The following GIGYF1 variants were observed in gnomAD, a reference collection of about 807,000 sequenced individuals.
GIGYF1 encodes the protein GRB10 interacting GYF protein 1.
Under a neutral mutation model 147.1 loss-of-function variants are expected in GIGYF1, and 84 were observed. That is an observed-to-expected ratio of 0.57 (90% CI 0.48 to 0.68). The LOEUF is 0.68. Ranked by LOEUF, GIGYF1 falls within the 30% of genes least tolerant of loss-of-function variation. The probability of loss-of-function intolerance (pLI) is 0.00; values close to 1 mark genes in which losing one functional copy is unlikely to be tolerated. For missense variants in GIGYF1, 1,485 were observed against 1,393.7 expected (o/e 1.07, Z -1.04); for synonymous variants, 752 against 589.5 (o/e 1.28, Z -3.99).
rs774321331 is a variant in GIGYF1, at chr7:100,683,064, T to C, written c.2360A>G (p.Lys787Arg). 2.3e-5 allele frequency: 36 copies of C among 1,578,694 alleles called. No homozygotes were observed. The highest frequency in any genetic ancestry group is 3.1e-5 in the Non-Finnish European group (36 of 1,168,610). ...AGCTGGCTCCCGAGGTGGGGGCTGTTTGTGCAGCTGCCGCTCGCCCTCCAG... is the reference window on the plus strand; with the variant it reads ...AGCTGGCTCCCGAGGTGGGGGCTGTCTGTGCAGCTGCCGCTCGCCCTCCAG... ...LQLEGERQLH[K>R]QPPPREPARA... Residue 787 changes from lysine (K) to arginine (R), a missense_variant, in exon 22 of 27, where the codon AAA becomes AGA. Physicochemically the swap from Lys to Arg is conservative, Grantham distance 26. Coordinates refer to ENST00000678049, the MANE Select transcript of GIGYF1 (RefSeq NM_001375765.1).
Position 100,685,163 on chromosome 7 carries a change from A to AG in GIGYF1, c.1193-18dup. The AG allele has an allele frequency of 6.4e-7, 1 of 1,566,808 alleles. No homozygotes were observed. Among genetic ancestry groups the AG allele is most frequent in the Non-Finnish European group, 8.7e-7 (1 of 1,151,364 alleles). On this transcript the variant is annotated splice_polypyrimidine_tract_variant and intron_variant, in intron 13 of 26. Transcript: ENST00000678049. ...GAATATCATCTGGAAGGCATGAGAT[A>AG]GGAGGTGGAAAGAAGGGCGGGGAGG...
In GIGYF1 at chr7:100,682,752, G is replaced by A. The variant is rs761657883; in HGVS notation, c.2438C>T (p.Pro813Leu). Residue 813 changes from proline to leucine, a missense_variant, in exon 23 of 27, where the codon CCC (proline) becomes CTC (leucine). Transcript: ENST00000678049. ...RVQLGGLGTAPLNQWVSEAGP... is the reference protein window; with the variant it reads ...RVQLGGLGTALLNQWVSEAGP... ...AGCCTCAGACACCCACTGGTTCAGG[G>A]GGGCAGTGCCCAGGCCCCCAAGCTG... The A allele has an allele frequency of 1.4e-5, 22 of 1,537,456 alleles. No individual in the cohort carries two copies. Among genetic ancestry groups the A allele is most frequent in the Non-Finnish European group, 1.9e-5 (22 of 1,144,274 alleles).
rs150873520 is a variant in GIGYF1, at chr7:100,688,808, C to T, written c.-351G>A. 1,005 of 216,952 alleles carry T rather than the reference C, an allele frequency of 4.6e-3. 8 individuals carry two copies. Among genetic ancestry groups the T allele is most frequent in the African/African-American group, 0.019 (823 of 43,670 alleles). The allele number at this position is 216,952 out of a possible 1,614,324, so 13.4% of individuals were successfully genotyped here. A position where few individuals can be genotyped will look rare whatever the true frequency, so the allele number is the denominator to read the frequency against. ...CCCCGCATGACAGGAGAGGTCCATT[C>T]GCCGGATGGTGTCTCTGGGCATCAG... On this transcript the variant is annotated 5_prime_UTR_variant, in exon 2 of 27. Transcript: ENST00000678049.
At position 100,688,125 on chromosome 7, in the gene GIGYF1, G is replaced by T. The variant is rs774070726; in HGVS notation, c.36-15C>A. 3.9e-5 allele frequency: 62 copies of T among 1,605,446 alleles called. No individual in the cohort carries two copies. The highest frequency in any genetic ancestry group is 5.2e-5 in the Non-Finnish European group (61 of 1,174,630). On this transcript the variant is annotated splice_polypyrimidine_tract_variant and intron_variant, in intron 4 of 26. Transcript: ENST00000678049. ...GGGCCCTGAGCCTGGACACAACACA[G>T]AGAGAAGAAGACAGAGGTCAGGGCA...
chr7:100,685,028 C>G (rs772624730), intron 14 of GIGYF1, 21 bp downstream of exon 14: 1 of 1,558,218 alleles, frequency 6.4e-7, no homozygotes, highest in South Asian at 1.2e-5. Context: ...GGGTCCCTCC[C>G]GCTTTCTCAG....
At position 100,683,930 on chromosome 7, in the gene GIGYF1, A is replaced by G. The variant is rs942891456; in HGVS notation, c.1869-12T>C. 5.1e-6 allele frequency: 8 copies of G among 1,558,256 alleles called. No homozygotes were observed. The highest frequency in any genetic ancestry group is 6.9e-6 in the Non-Finnish European group (8 of 1,151,298). The stretch of plus-strand genomic sequence containing the variant: ...TCTGGTCCCCGCCTCTGAGGAGCAA[A>G]TTGTGGATTCTTAGGACCCCAAATC... On this transcript the variant is annotated splice_polypyrimidine_tract_variant and intron_variant, in intron 18 of 26. Coordinates refer to ENST00000678049, the MANE Select transcript of GIGYF1 (RefSeq NM_001375765.1).
Position 100,684,867 on chromosome 7 carries a change from G to T in GIGYF1, c.1318C>A (p.Gln440Lys). ...QEAEKLVASL[Q>K]DSSLEEEQFT... ...TGCTCCTCCTCCAAGGAGCTGTCCT[G>T]CAGGGAGGCCACCAGCTTCTCCGCC... Residue 440 changes from glutamine to lysine, a missense_variant, in exon 15 of 27, where the codon CAG becomes AAG. Gln to Lys is a moderately conservative substitution (Grantham distance 53). Coordinates refer to ENST00000678049, the MANE Select transcript of GIGYF1 (RefSeq NM_001375765.1). 6.2e-7 allele frequency: 1 copy of T among 1,605,052 alleles called. No individual in the cohort carries two copies. The highest frequency in any genetic ancestry group is 8.5e-7 in the Non-Finnish European group (1 of 1,175,074).
chr7:100,684,996 C>T, intron 14 of GIGYF1, 53 bp downstream of exon 14: 1 of 1,555,328 alleles, frequency 6.4e-7, no homozygotes, highest in East Asian at 2.4e-5. Flanking sequence ...TGGGGCCAAG[C>T]AGGTCAGGTC....
chr7:100,688,542 T>C (rs1489649101), intron 2 of GIGYF1, 27 bp from the exon 3 acceptor site: 1 of 621,310 alleles, frequency 1.6e-6, no homozygotes, highest in Non-Finnish European at 3.0e-6. Context: ...GATGGGAAGC[T>C]CGAGTCCTTT....
chr7:100,683,139 G>A lies in GIGYF1; in HGVS notation c.2285C>T (p.Ala762Val). Residue 762 changes from alanine to valine, a missense_variant, in exon 22 of 27, where the codon GCT becomes GTT. Coordinates refer to ENST00000678049, the MANE Select transcript of GIGYF1 (RefSeq NM_001375765.1). Reference protein sequence around the residue: ...PAPSSPPPLWAGLAKQGLSMK... With the variant: ...PAPSSPPPLWVGLAKQGLSMK... ...GGACAGCCCCTGCTTGGCCAGGCCA[G>A]CCCAGAGTGGGGGCGGGGAGCTGGG... The A allele has an allele frequency of 6.3e-7, 1 of 1,597,592 alleles. No homozygotes were observed.
rs746558368 is a variant in GIGYF1 at position 100,687,518 on chromosome 7, G to A, written c.360C>T (p.Ser120=). 5.0e-6 allele frequency: 8 copies of A among 1,611,624 alleles called. No homozygotes were observed. In the Admixed American group the frequency reaches 1.3e-4, roughly 27 times the overall value. The change falls in exon 7 of 27, where the codon AGC becomes AGT. Residue 120 remains serine (S), a synonymous_variant. Coordinates refer to ENST00000678049, the MANE Select transcript of GIGYF1 (RefSeq NM_001375765.1). ...TCACCCCTCTACCTCGGCTCCGCGT[G>A]CTGCCCCTGCCTCGGGAGGTGCCAG... is the stretch of plus-strand genomic sequence containing the variant. ...PLAGTSRGRG[S]TRSRGRGRGD...
At chr7:100,687,928 C>G (rs916710137) in intron 5 of GIGYF1, 45 bp from the exon 6 acceptor site, 7 of 1,612,120 alleles carry the variant, frequency 4.3e-6, no homozygotes, top group Non-Finnish European at 5.9e-6. Flanking sequence ...GCTGCCAGAT[C>G]CCCTCCACAG....
rs1196759240 is a variant in GIGYF1, at chr7:100,687,170, AG to A, written c.483-125del. On this transcript the variant is annotated intron_variant, in intron 8 of 26. Coordinates refer to ENST00000678049, the MANE Select transcript of GIGYF1 (RefSeq NM_001375765.1). ...AGGGAGGAAGGGGACAAACGAAACC[AG>A]GGGTCAGGAGCACCGGGATCTCGGA... The A allele has an allele frequency of 2.0e-6, 3 of 1,468,154 alleles. No individual in the cohort carries two copies. In the African/African-American group the frequency reaches 4.2e-5, roughly 20 times the overall value. The allele number at this position is 1,468,154 out of a possible 1,614,324, so 90.9% of individuals were successfully genotyped here.
At chr7:100,687,226 C>T in intron 8 of GIGYF1, 72 bp downstream of exon 8, 6 of 1,504,854 alleles carry the variant, frequency 4.0e-6, no homozygotes, top group Non-Finnish European at 5.5e-6. Context: ...CTCTGTTACC[C>T]TCTAGCGACA....
Position 100,683,167 on chromosome 7 carries a change from C to A in GIGYF1, c.2257G>T (p.Ala753Ser). Reference sequence around the variant, plus strand: ...CAGAGTGGGGGCGGGGAGCTGGGTGCGGGGGGCACAGGGACCGCCTGCTGC... The same window carrying A: ...CAGAGTGGGGGCGGGGAGCTGGGTGAGGGGGGCACAGGGACCGCCTGCTGC... ...QQQQAVPVPP[A>S]PSSPPPLWAG... The change falls in exon 22 of 27, where the codon GCA becomes TCA. Residue 753 changes from alanine to serine, a missense_variant. Transcript: ENST00000678049. 1 of 1,602,918 alleles carries A rather than the reference C, an allele frequency of 6.2e-7. No homozygotes were observed. Among genetic ancestry groups the A allele is most frequent in the Non-Finnish European group, 8.5e-7 (1 of 1,178,198 alleles).
At chr7:100,686,532 C>T (rs1805358088) in intron 10 of GIGYF1, 99 bp from the exon 11 acceptor site, 28 of 1,516,228 alleles carry the variant, frequency 1.8e-5, no homozygotes, top group South Asian at 2.5e-5. Flanking sequence ...GCTGCTGTCC[C>T]GGCCACTCCC....
rs201068502 is a variant in GIGYF1 at position 100,685,355 on chromosome 7, G to A, written c.1181C>T (p.Pro394Leu). Residue 394 changes from proline to leucine, a missense_variant, in exon 13 of 27, where the codon CCA becomes CTA. Coordinates refer to ENST00000678049, the MANE Select transcript of GIGYF1 (RefSeq NM_001375765.1). The part of the protein sequence containing the change: ...DGDETAEKEP[P>L]AAEDDIRGIQ... ...TCCTCCCTTCCTACCTTCGGCCGCTGGGGGCTCTTTCTCTGCAGTTTCGTC... is the reference window on the plus strand; with the variant it reads ...TCCTCCCTTCCTACCTTCGGCCGCTAGGGGCTCTTTCTCTGCAGTTTCGTC... 1.7e-5 allele frequency: 27 copies of A among 1,597,152 alleles called. No individual in the cohort carries two copies. Among genetic ancestry groups the A allele is most frequent in the South Asian group, 3.4e-5 (3 of 88,884 alleles).
chr7:100,686,133 G>A (rs748523686), intron 11 of GIGYF1, 47 bp downstream of exon 11: 1 of 1,601,100 alleles, frequency 6.2e-7, no homozygotes, highest in South Asian at 1.1e-5. Flanking sequence ...TGGGGAGGAA[G>A]AGGACCCCGG....
At chr7:100,693,415 G>A (rs1005234497) in intron 1 of GIGYF1, among the ~76,000 whole-genome samples, 2 of 152,158 alleles carry the variant, frequency 1.3e-5, no homozygotes, top group African/African-American at 4.8e-5. Context: ...CTCTGCTAAG[G>A]AAGGTATTTC....
Sources: gnomAD v4.1 joint callset for allele counts (sites outside exome capture counted in the v4.1 genomes callset) on GRCh38, gnomAD v4.1.1 for gene constraint, MANE v1.5 for transcripts, NCBI Gene and HGNC (gene_info 2026-07-23, HGNC 2026-07-21) for gene names.